Variants in ITGA8 observed in about 807,000 individuals in gnomAD.
ITGA8 encodes integrin subunit alpha 8.
A neutral mutation model predicts 142.3 loss-of-function variants in ITGA8; 91 were observed. The observed-to-expected ratio is 0.64, with a 90% CI of 0.54 to 0.76. The LOEUF (loss-of-function observed/expected upper bound fraction) is 0.76, where lower values mean the gene tolerates loss of function less well. ITGA8 is among the 30% of genes least tolerant of loss of function. ITGA8 has a pLI of 0.00. For synonymous variants in ITGA8, 505 were observed against 485.2 expected (o/e 1.04, Z -0.54); for missense variants, 1,406 against 1,327.7 (o/e 1.06, Z -0.92).
chr10:15,573,812 C>T (rs1834232507), intron 24 of ITGA8, among the ~76,000 whole-genome samples: 1 of 151,952 alleles, frequency 6.6e-6, no homozygotes, highest in Non-Finnish European at 1.5e-5. Flanking sequence ...TACCAAAATT[C>T]CCTGCCTGGT....
intron 11 of ITGA8, among the ~76,000 whole-genome samples, chr10:15,648,904 G>T (rs1174057958): frequency 6.6e-6 from 1 of 152,168 alleles, no homozygotes; most frequent in Non-Finnish European, 1.5e-5. Flanking sequence ...TACAAATGAG[G>T]TTAAATGACT....
chr10:15,614,305 G>A (rs559735657), intron 14 of ITGA8, among the ~76,000 whole-genome samples: 90 of 152,064 alleles, frequency 5.9e-4, no homozygotes, highest in Non-Finnish European at 1.1e-3. Flanking sequence ...CACGAAGCAG[G>A]GTTTGCAGAA....
rs1834823156 is a variant in ITGA8, at chr10:15,685,774, A to G, written c.445-1647T>C. 2.6e-5 allele frequency among the ~76,000 whole-genome samples: 4 copies of G among 152,228 alleles called. 1 individual carries two copies. The South Asian group carries it at 6.2e-4, about 24-fold the overall frequency. On this transcript the variant is annotated intron_variant, in intron 3 of 29. Coordinates refer to ENST00000378076, the MANE Select transcript of ITGA8 (RefSeq NM_003638.3). Reference sequence around the variant, plus strand: ...TAGTTTGCCTAATATCAGAAACATTATCGGCAAAAATAAATTGAAACAACA... The same window carrying G: ...TAGTTTGCCTAATATCAGAAACATTGTCGGCAAAAATAAATTGAAACAACA...
chr10:15,678,522 G>A (rs112547344), intron 5 of ITGA8, among the ~76,000 whole-genome samples, 200 bp downstream of exon 5: 4 of 152,152 alleles, frequency 2.6e-5, no homozygotes, highest in African/African-American at 4.8e-5. Context: ...AGGCCGCTAT[G>A]TGCATAAATT....
rs796458374 is a variant in ITGA8, at chr10:15,716,670, ATTTTT to A, written c.343+2091_343+2095del. 6.2e-3 allele frequency among the ~76,000 whole-genome samples: 832 copies of A among 135,054 alleles called. 4 individuals carry two copies. The highest frequency in any genetic ancestry group is 0.022 in the African/African-American group (794 of 35,978). The allele number at this position is 135,054 out of a possible 152,430, so 88.6% of individuals were successfully genotyped here. A position where few individuals can be genotyped will look rare whatever the true frequency, so the allele number is the denominator to read the frequency against. ...GAACTTGGAAAATATAACCTATTGT[ATTTTT>A]TTTTTTTTTTTTGAGATGGAGTTTC... On this transcript the variant is annotated intron_variant, in intron 2 of 29. Coordinates refer to ENST00000378076, the MANE Select transcript of ITGA8 (RefSeq NM_003638.3).
chr10:15,640,054 G>A (rs1271897219), intron 13 of ITGA8, among the ~76,000 whole-genome samples: 3 of 152,178 alleles, frequency 2.0e-5, no homozygotes, highest in South Asian at 2.1e-4. Context: ...GAGGACCTAC[G>A]TACAGGGCAG....
chr10:15,585,828 A>G (rs1211651856), intron 23 of ITGA8, among the ~76,000 whole-genome samples: 3 of 152,160 alleles, frequency 2.0e-5, no homozygotes, highest in African/African-American at 7.2e-5. Flanking sequence ...CAAAGAAAAA[A>G]GATGTAAAAT....
At chr10:15,553,076 G>T (rs962478925) in intron 26 of ITGA8, among the ~76,000 whole-genome samples, 1 of 152,002 alleles carries the variant, frequency 6.6e-6, no homozygotes, top group East Asian at 1.9e-4. Flanking sequence ...GGCCAATGTG[G>T]TGAAACCCCA....
At chr10:15,648,536 T>C (rs1834028638) in intron 11 of ITGA8, among the ~76,000 whole-genome samples, 1 of 150,902 alleles carries the variant, frequency 6.6e-6, no homozygotes. Flanking sequence ...AAAATTAAGA[T>C]ATATCAATAA....
chr10:15,687,501 C>A (rs1834853375), intron 3 of ITGA8, among the ~76,000 whole-genome samples: 1 of 152,058 alleles, frequency 6.6e-6, no homozygotes, highest in South Asian at 2.1e-4. Flanking sequence ...ATGCAGTTAG[C>A]CGTTTAAAAA....
intron 27 of ITGA8, among the ~76,000 whole-genome samples, chr10:15,546,681 G>A (rs1400998877): frequency 7.3e-6 from 1 of 136,166 alleles, no homozygotes. Context: ...TAGGAGAAAG[G>A]AAGGAAAGGA....
intron 10 of ITGA8, among the ~76,000 whole-genome samples, chr10:15,658,278 G>A (rs1320636808): frequency 6.6e-6 from 1 of 152,182 alleles, no homozygotes; most frequent in Non-Finnish European, 1.5e-5. Context: ...CAGAAGTCCA[G>A]GCCCTTTTTA....
intron 2 of ITGA8, among the ~76,000 whole-genome samples, chr10:15,689,290 T>C (rs1037647894): frequency 1.3e-5 from 2 of 152,122 alleles, no homozygotes; most frequent in Admixed American, 1.3e-4. Context: ...AACAGACAAC[T>C]ACATTGCAAC....
At chr10:15,709,817 G>T (rs2131736496) in intron 2 of ITGA8, among the ~76,000 whole-genome samples, 1 of 152,208 alleles carries the variant, frequency 6.6e-6, no homozygotes, top group South Asian at 2.1e-4. Context: ...AATGAAAACA[G>T]GTGAGACTTA....
chr10:15,651,531 G>GT (rs930737810), intron 11 of ITGA8, among the ~76,000 whole-genome samples: 70 of 149,862 alleles, frequency 4.7e-4, no homozygotes, highest in African/African-American at 1.1e-3. Flanking sequence ...CTTATTGACA[G>GT]TTTTTTTTTT....
At chr10:15,680,322 G>A (rs1404547279) in intron 4 of ITGA8, among the ~76,000 whole-genome samples, 3 of 145,272 alleles carry the variant, frequency 2.1e-5, no homozygotes, top group African/African-American at 7.7e-5. Flanking sequence ...CCGCCTCCCG[G>A]GTTCACGCCA....
intron 27 of ITGA8, among the ~76,000 whole-genome samples, chr10:15,531,542 A>G (rs1205135440): frequency 6.6e-6 from 1 of 152,266 alleles, no homozygotes; most frequent in African/African-American, 2.4e-5. Context: ...AAGAATTTAT[A>G]TAGTTACTGC....
chr10:15,718,649 C>T (rs1227824511), intron 2 of ITGA8, 117 bp downstream of exon 2: 6 of 1,290,482 alleles, frequency 4.6e-6, no homozygotes, highest in Non-Finnish European at 6.5e-6. Context: ...GCCCACAATA[C>T]GGACATATCA....
chr10:15,677,067 T>G (rs963800320), intron 6 of ITGA8, among the ~76,000 whole-genome samples: 1 of 152,120 alleles, frequency 6.6e-6, no homozygotes, highest in Non-Finnish European at 1.5e-5. Flanking sequence ...TTGTTCTCAC[T>G]CATACATGGA....
Sources: gnomAD v4.1 joint callset for allele counts (sites outside exome capture counted in the v4.1 genomes callset) on GRCh38, gnomAD v4.1.1 for gene constraint, MANE v1.5 for transcripts, NCBI Gene and HGNC (gene_info 2026-07-23, HGNC 2026-07-21) for gene names.